CAGE1: variants seen among roughly 807,000 people sequenced by gnomAD.
The protein encoded by CAGE1 is cancer antigen 1.
A neutral mutation model predicts 94.9 loss-of-function variants in CAGE1; 66 were observed. That is an observed-to-expected ratio of 0.70 (90% confidence interval 0.57 to 0.85). CAGE1 has a LOEUF of 0.85. Ranked by LOEUF, CAGE1 falls within the 40% of genes least tolerant of loss-of-function variation. The pLI is 0.00. For missense variants in CAGE1, 865 were observed against 950.4 expected (o/e 0.91, Z 1.18); for synonymous variants, 319 against 321.0 (o/e 0.99, Z 0.07).
intron 1 of CAGE1, among the ~76,000 whole-genome samples, chr6:7,388,714 C>G (rs1761225929): frequency 6.6e-6 from 1 of 152,054 alleles, no homozygotes; most frequent in Non-Finnish European, 1.5e-5. Context: ...GTTTTCAAAC[C>G]TATGTCATCA....
chr6:7,369,852 C>T, intron 6 of CAGE1, 67 bp downstream of exon 6: 2 of 1,418,266 alleles, frequency 1.4e-6, no homozygotes, highest in South Asian at 1.4e-5. Context: ...TTTATTGCCT[C>T]TCTTTTTGTC....
intron 6 of CAGE1, among the ~76,000 whole-genome samples, chr6:7,369,134 A>G (rs1009445822): frequency 2.0e-5 from 3 of 151,624 alleles, no homozygotes; most frequent in African/African-American, 7.3e-5. Flanking sequence ...CAGCCTCCCA[A>G]GTAGATGGGA....
chr6:7,345,299 C>T (rs144261340), intron 11 of CAGE1, among the ~76,000 whole-genome samples: 252 of 152,220 alleles, frequency 1.7e-3, no homozygotes, highest in African/African-American at 5.4e-3. Context: ...TAAAGGTTTG[C>T]AGTTTTATTT....
chr6:7,341,148 A>G, intron 11 of CAGE1: 1 of 568,202 alleles, frequency 1.8e-6, no homozygotes, highest in Non-Finnish European at 3.4e-6. Context: ...GCCGGTAGTT[A>G]TTGGTGGGCA....
At chr6:7,363,716 G>C (rs1389474992) in intron 9 of CAGE1, among the ~76,000 whole-genome samples, 2 of 152,132 alleles carry the variant, frequency 1.3e-5, no homozygotes, top group Non-Finnish European at 2.9e-5. Context: ...CATGTCAAGG[G>C]GCAGGGGTCT....
At chr6:7,338,666 A>G (rs1759053275) in intron 11 of CAGE1, among the ~76,000 whole-genome samples, 2 of 152,144 alleles carry the variant, frequency 1.3e-5, no homozygotes, top group Middle Eastern at 3.4e-3. Context: ...TTTTAGCAGT[A>G]TACACTGTAC....
intron 9 of CAGE1, among the ~76,000 whole-genome samples, chr6:7,361,226 A>G (rs996795483): frequency 6.6e-6 from 1 of 152,194 alleles, no homozygotes; most frequent in African/African-American, 2.4e-5. Flanking sequence ...GGAAGTTCTC[A>G]TCCAAGTGAA....
chr6:7,337,632 T>C (rs554793818), intron 11 of CAGE1, among the ~76,000 whole-genome samples: 29 of 152,348 alleles, frequency 1.9e-4, no homozygotes, highest in Admixed American at 7.2e-4. Flanking sequence ...TTTTCCACTT[T>C]GTTGCCTTTG....
intron 11 of CAGE1, among the ~76,000 whole-genome samples, chr6:7,336,274 A>G (rs1008393588): frequency 9.2e-5 from 14 of 152,236 alleles, no homozygotes; most frequent in African/African-American, 3.1e-4. Flanking sequence ...AAGTTTTTCC[A>G]AGTGTGCAAC....
chr6:7,348,187 C>T (rs1026652536), intron 11 of CAGE1, among the ~76,000 whole-genome samples: 7 of 152,174 alleles, frequency 4.6e-5, no homozygotes, highest in Non-Finnish European at 7.3e-5. Flanking sequence ...CCCCCTGCCA[C>T]GTCCACGGGA....
chr6:7,344,328 G>A (rs1474452263), intron 11 of CAGE1, among the ~76,000 whole-genome samples: 4 of 152,246 alleles, frequency 2.6e-5, no homozygotes, highest in Middle Eastern at 3.2e-3. Context: ...AGCCGGCCCT[G>A]CCAGCCCGGG....
intron 9 of CAGE1, among the ~76,000 whole-genome samples, chr6:7,358,962 A>T (rs1760075369): frequency 6.6e-6 from 1 of 152,242 alleles, no homozygotes; most frequent in Non-Finnish European, 1.5e-5. Flanking sequence ...TTTGCTCCAC[A>T]TTCTCTCCAA....
In CAGE1 at chr6:7,362,335, A is replaced by G. The variant is rs1760193187; in HGVS notation, c.2193+3133T>C. ...AGATGGGATCTAGGAGGAACTTACT[A>G]TGAGCCTCTTTGAACTCTGAACATC... On this transcript the variant is annotated intron_variant, in intron 9 of 13. Coordinates refer to ENST00000502583, the MANE Select transcript of CAGE1 (RefSeq NM_001170692.2). The surrounding 1 kb of genome is among the most constrained non-coding windows in gnomAD (Gnocchi z 4.1). Among the ~76,000 whole-genome samples, 1 of 152,246 alleles carries G rather than the reference A, an allele frequency of 6.6e-6. No homozygotes were observed. The highest frequency in any genetic ancestry group is 2.1e-4 in the South Asian group (1 of 4,832).
At chr6:7,335,273 A>G (rs1758914341) in intron 11 of CAGE1, among the ~76,000 whole-genome samples, 1 of 152,172 alleles carries the variant, frequency 6.6e-6, no homozygotes, top group Non-Finnish European at 1.5e-5. Context: ...TTTGCTATAT[A>G]AGGTAATGGT....
chr6:7,388,154 G>C (rs967062598), intron 1 of CAGE1, among the ~76,000 whole-genome samples: 1 of 152,014 alleles, frequency 6.6e-6, no homozygotes, highest in African/African-American at 2.4e-5. Context: ...AGAGCTGAGA[G>C]TGGAAAGGAT....
At chr6:7,341,383 G>C in intron 11 of CAGE1, 3 of 799,782 alleles carry the variant, frequency 3.8e-6, no homozygotes, top group Non-Finnish European at 6.5e-6. Context: ...TTCATGCTTA[G>C]GACACTGTGG....
In CAGE1 at chr6:7,326,813, T is replaced by C. The variant is rs773829154; in HGVS notation, c.*45A>G. ...TAGCATATGTAGTAATGACTCTTCC[T>C]GGAGTGGTTGACAAAAATGATTACT... On this transcript the variant is annotated 3_prime_UTR_variant, in exon 14 of 14. Coordinates refer to ENST00000502583, the MANE Select transcript of CAGE1 (RefSeq NM_001170692.2). 8.9e-6 allele frequency: 12 copies of C among 1,343,316 alleles called. No homozygotes were observed. Among genetic ancestry groups the C allele is most frequent in the Middle Eastern group, 1.8e-4 (1 of 5,462 alleles). The allele number at this position is 1,343,316 out of a possible 1,614,324, so 83.2% of individuals were successfully genotyped here. A position where few individuals can be genotyped will look rare whatever the true frequency, so the allele number is the denominator to read the frequency against.
intron 11 of CAGE1, among the ~76,000 whole-genome samples, chr6:7,337,868 CTTG>C (rs773061281): frequency 6.6e-6 from 1 of 152,108 alleles, no homozygotes; most frequent in Non-Finnish European, 1.5e-5. Flanking sequence ...TTAGAATCAG[CTTG>C]TTAAGTTTAT....
At position 7,389,554 on chromosome 6, in the gene CAGE1, A is replaced by AC. The variant is rs1761263628; in HGVS notation, c.-377dup. The stretch of plus-strand genomic sequence containing the variant: ...AGAGTGGTGAAGTTAGGAAGGTACG[A>AC]CCCCCTAGGCCGAACAGCCTGTGGG... On this transcript the variant is annotated 5_prime_UTR_variant, in exon 1 of 14. Coordinates refer to ENST00000502583, the MANE Select transcript of CAGE1 (RefSeq NM_001170692.2). 1 of 335,944 alleles carries AC rather than the reference A, an allele frequency of 3.0e-6. No individual in the cohort carries two copies. Among genetic ancestry groups the AC allele is most frequent in the East Asian group, 7.6e-5 (1 of 13,092 alleles). 20.8% of individuals were successfully genotyped at this position (335,944 alleles called of 1,614,324 possible). A position where few individuals can be genotyped will look rare whatever the true frequency, so the allele number is the denominator to read the frequency against.
Sources: gnomAD v4.1 joint callset for allele counts (sites outside exome capture counted in the v4.1 genomes callset) on GRCh38, gnomAD v4.1.1 for gene constraint, Gnocchi (gnomAD v3.1) non-coding constraint, MANE v1.5 for transcripts, NCBI Gene and HGNC (gene_info 2026-07-23, HGNC 2026-07-21) for gene names.